Variants in TMEM108 observed in about 807,000 individuals in gnomAD.
The protein encoded by TMEM108 is cancer/testis antigen 124.
TMEM108 carries 12 observed loss-of-function variants against 35.1 expected under a neutral mutation model. The observed-to-expected ratio is 0.34, with a 90% CI of 0.22 to 0.55. TMEM108 has a LOEUF of 0.55. Ranked by LOEUF, TMEM108 falls within the 20% of genes least tolerant of loss-of-function variation. TMEM108 has a pLI of 0.89. For missense variants in TMEM108, 680 were observed against 753.3 expected, an observed-to-expected ratio of 0.90 and a Z score of 1.14; for synonymous variants, 287 against 308.6, an observed-to-expected ratio of 0.93 and a Z score of 0.73.
chr3:133,251,183 T>C (rs1946464508), intron 3 of TMEM108, among the ~76,000 whole-genome samples: 1 of 152,208 alleles, frequency 6.6e-6, no homozygotes, highest in Admixed American at 6.5e-5. Context: ...TCAACAAATA[T>C]TTCAATGTCT....
intron 3 of TMEM108, chr3:133,378,661 A>ACAT: frequency 9.5e-6 from 4 of 421,154 alleles, no homozygotes; most frequent in Non-Finnish European, 1.3e-5. Flanking sequence ...TGCTTGCATG[A>ACAT]GGTACCATTT....
chr3:133,053,391 C>T (rs192345629), intron 2 of TMEM108, among the ~76,000 whole-genome samples: 1 of 152,276 alleles, frequency 6.6e-6, no homozygotes, highest in East Asian at 1.9e-4. Flanking sequence ...TGTGATTGCA[C>T]ATATTGGCAA....
intron 3 of TMEM108, among the ~76,000 whole-genome samples, chr3:133,243,965 A>C (rs1460596416): frequency 2.0e-5 from 3 of 152,142 alleles, no homozygotes; most frequent in Non-Finnish European, 4.4e-5. Context: ...GTGGGCCTGG[A>C]AAGGGAAGAA....
In TMEM108 at chr3:133,093,912, C is replaced by T. The variant is rs966317276; in HGVS notation, c.-47+47892C>T. Among the ~76,000 whole-genome samples, 5 of 152,138 alleles carry T rather than the reference C, an allele frequency of 3.3e-5. No homozygotes were observed. The South Asian group carries it at 6.2e-4, about 19-fold the overall frequency. ...GCAACTTTTCTGCTTATTCAACCCC[C>T]GGCCACCTAGGAACCTGCCACTTGC... On this transcript the variant is annotated intron_variant, in intron 2 of 5. Transcript: ENST00000321871.
At chr3:133,191,299 A>G (rs377289321) in intron 2 of TMEM108, among the ~76,000 whole-genome samples, 4 of 152,272 alleles carry the variant, frequency 2.6e-5, no homozygotes, top group East Asian at 1.9e-4. Flanking sequence ...TTTTCAATTC[A>G]CCAAGTTTTC....
chr3:133,248,813 T>C lies in TMEM108; in HGVS notation c.40+19462T>C, dbSNP rs929738023. Among the ~76,000 whole-genome samples, 62 of 152,156 alleles carry C rather than the reference T, an allele frequency of 4.1e-4. 1 individual carries two copies. The highest frequency in any genetic ancestry group is 3.8e-3 in the Admixed American group (58 of 15,280). ...ATCCTTATGGCTGTATTTTTAGAAG[T>C]CTTGGATTATTATAGCAACTGTGAA... On this transcript the variant is annotated intron_variant, in intron 3 of 5. Transcript: ENST00000321871.
intron 1 of TMEM108, among the ~76,000 whole-genome samples, chr3:133,040,873 C>T (rs950172627): frequency 2.0e-5 from 3 of 152,092 alleles, no homozygotes; most frequent in East Asian, 1.9e-4. Flanking sequence ...GGGTCAGGGA[C>T]GGGGAACATA....
chr3:133,231,464 T>C (rs532728248), intron 3 of TMEM108, among the ~76,000 whole-genome samples: 1 of 152,286 alleles, frequency 6.6e-6, no homozygotes, highest in South Asian at 2.1e-4. Flanking sequence ...TGAGGTCATC[T>C]CACATGGAAA....
At chr3:133,314,478 T>G (rs537547700) in intron 3 of TMEM108, among the ~76,000 whole-genome samples, 1 of 152,354 alleles carries the variant, frequency 6.6e-6, no homozygotes, top group South Asian at 2.1e-4. Context: ...ACTGATAATT[T>G]TCCTAGGAAC....
intron 3 of TMEM108, among the ~76,000 whole-genome samples, chr3:133,378,128 T>C (rs1322863757): frequency 6.6e-6 from 1 of 152,062 alleles, no homozygotes; most frequent in Non-Finnish European, 1.5e-5. Context: ...AAAAAATAGA[T>C]TGTTTAGGGC....
intron 3 of TMEM108, among the ~76,000 whole-genome samples, chr3:133,236,415 A>G (rs892637685): frequency 2.4e-4 from 37 of 152,112 alleles, no homozygotes; most frequent in African/African-American, 8.4e-4. Context: ...CTTTTCTGCC[A>G]TCTTTACCTG....
chr3:133,112,114 A>G (rs1219686896), intron 2 of TMEM108, among the ~76,000 whole-genome samples: 1 of 152,174 alleles, frequency 6.6e-6, no homozygotes, highest in African/African-American at 2.4e-5. Flanking sequence ...GAAACAAAAA[A>G]GAAAGAAATT....
chr3:133,349,071 C>A (rs114949381), intron 3 of TMEM108, among the ~76,000 whole-genome samples: 3,203 of 152,118 alleles, frequency 0.021, 96 homozygotes, highest in African/African-American at 0.073. Flanking sequence ...AGGAAAAAAG[C>A]AGACAGTGCT....
At chr3:133,263,189 A>G (rs1946649911) in intron 3 of TMEM108, among the ~76,000 whole-genome samples, 1 of 152,334 alleles carries the variant, frequency 6.6e-6, no homozygotes, top group South Asian at 2.1e-4. Flanking sequence ...TTAGAGAAAA[A>G]TAATTGAAAT....
rs537090503 is a variant in TMEM108 at position 133,201,944 on chromosome 3, C to T, written c.-46-27322C>T. On this transcript the variant is annotated intron_variant, in intron 2 of 5. Transcript: ENST00000321871. ...GTTTAAAAGCGTTCCTATTTTTCCA[C>T]GTCCTCTCCAGCATCTGTTCTTTCC... 2.6e-5 allele frequency among the ~76,000 whole-genome samples: 4 copies of T among 152,288 alleles called. No individual in the cohort carries two copies. In the South Asian group the frequency reaches 6.2e-4, roughly 24 times the overall value.
At chr3:133,146,186 G>A (rs1352702234) in intron 2 of TMEM108, among the ~76,000 whole-genome samples, 1 of 152,132 alleles carries the variant, frequency 6.6e-6, no homozygotes, top group Non-Finnish European at 1.5e-5. Flanking sequence ...GCGATGTTGA[G>A]TTTTATTGAA....
intron 2 of TMEM108, among the ~76,000 whole-genome samples, chr3:133,164,424 T>C (rs1414273271): frequency 6.6e-6 from 1 of 152,206 alleles, no homozygotes; most frequent in African/African-American, 2.4e-5. Context: ...CAGAATACCC[T>C]GTGTCATATG....
At chr3:133,111,009 C>G (rs1217450618) in intron 2 of TMEM108, among the ~76,000 whole-genome samples, 1 of 152,184 alleles carries the variant, frequency 6.6e-6, no homozygotes, top group African/African-American at 2.4e-5. Flanking sequence ...TCAATCCTTT[C>G]ACTCTGTTGA....
At chr3:133,108,535 G>A (rs1944186263) in intron 2 of TMEM108, among the ~76,000 whole-genome samples, 1 of 151,802 alleles carries the variant, frequency 6.6e-6, no homozygotes, top group African/African-American at 2.4e-5. Context: ...TGTCAGATGA[G>A]TAGGTTGTGA....
Sources: gnomAD v4.1 joint callset for allele counts (sites outside exome capture counted in the v4.1 genomes callset) on GRCh38, gnomAD v4.1.1 for gene constraint, MANE v1.5 for transcripts, NCBI Gene and HGNC (gene_info 2026-07-23, HGNC 2026-07-21) for gene names.